Variants in PRUNE2 observed in about 807,000 individuals in gnomAD.
PRUNE2 encodes prune homolog 2 with BCH domain.
PRUNE2 carries 164 observed loss-of-function variants against 252.0 expected under a neutral mutation model. The observed-to-expected ratio is 0.65, with a 90% CI of 0.57 to 0.74. The LOEUF is 0.74. PRUNE2 is among the 30% of genes least tolerant of loss of function. The pLI is 0.00. For synonymous variants in PRUNE2, 1,292 were observed against 1,350.2 expected (o/e 0.96, Z 0.94); for missense variants, 3,495 against 3,711.0 (o/e 0.94, Z 1.51).
chr9:76,785,446 A>G (rs2054878175), intron 6 of PRUNE2: 1 of 152,218 alleles, frequency 6.6e-6, no homozygotes, highest in Admixed American at 6.5e-5. Flanking sequence ...AGGGAACCTC[A>G]TAGTATCTTA....
intron 9 of PRUNE2, among the ~76,000 whole-genome samples, chr9:76,658,167 T>C (rs1245612130): frequency 6.6e-6 from 1 of 152,236 alleles, no homozygotes; most frequent in Non-Finnish European, 1.5e-5. Context: ...AAGAACACCC[T>C]GACCAAGATG....
chr9:76,802,077 C>T (rs1053375410), intron 6 of PRUNE2, among the ~76,000 whole-genome samples: 2 of 152,044 alleles, frequency 1.3e-5, no homozygotes, highest in Non-Finnish European at 2.9e-5. Context: ...ACGTATTTTA[C>T]GTTCTCAACT....
chr9:76,668,368 C>G (rs936962912), intron 9 of PRUNE2, among the ~76,000 whole-genome samples: 11 of 152,196 alleles, frequency 7.2e-5, no homozygotes, highest in African/African-American at 2.7e-4. Context: ...AATCTTCCTT[C>G]CCTACATCAT....
At chr9:76,727,646 T>TTC (rs1491382977) in intron 6 of PRUNE2, among the ~76,000 whole-genome samples, 15 of 115,064 alleles carry the variant, frequency 1.3e-4, no homozygotes, top group East Asian at 2.5e-4. Context: ...CTTCTTCTTC[T>TTC]TTTTTTTTTT....
At chr9:76,760,409 C>T (rs982109078) in intron 6 of PRUNE2, among the ~76,000 whole-genome samples, 1 of 152,132 alleles carries the variant, frequency 6.6e-6, no homozygotes, top group African/African-American at 2.4e-5. Context: ...TATCACTGCT[C>T]CCCCATATCA....
chr9:76,696,399 T>C (rs1455193659), intron 9 of PRUNE2, among the ~76,000 whole-genome samples: 1 of 152,152 alleles, frequency 6.6e-6, no homozygotes, highest in Non-Finnish European at 1.5e-5. Flanking sequence ...TCCATTTTGC[T>C]TTCTGCCCCA....
intron 6 of PRUNE2, among the ~76,000 whole-genome samples, chr9:76,727,644 T>A (rs1281381925): frequency 1.4e-5 from 2 of 144,060 alleles, no homozygotes; most frequent in African/African-American, 5.5e-5. Flanking sequence ...TTCTTCTTCT[T>A]CTTTTTTTTT....
intron 4 of PRUNE2, among the ~76,000 whole-genome samples, chr9:76,835,661 T>G (rs1286913857): frequency 6.6e-6 from 1 of 152,110 alleles, no homozygotes; most frequent in African/African-American, 2.4e-5. Context: ...CCCTCCGTCT[T>G]CGTAAGCAAA....
At chr9:76,730,165 T>C (rs955889602) in intron 6 of PRUNE2, among the ~76,000 whole-genome samples, 3 of 152,342 alleles carry the variant, frequency 2.0e-5, no homozygotes, top group African/African-American at 2.4e-5. Flanking sequence ...AGCTAATCCA[T>C]ATGTACACAC....
In PRUNE2 at chr9:76,788,382, A is replaced by G. The variant is rs373008724; in HGVS notation, c.756+35250T>C. 4 of 756,166 alleles carry G rather than the reference A, an allele frequency of 5.3e-6. No individual in the cohort carries two copies. The South Asian group carries it at 5.7e-5, about 11-fold the overall frequency. The allele number at this position is 756,166 out of a possible 1,614,324, so 46.8% of individuals were successfully genotyped here. ...AGTTATTATATATACTGGACATTAA[A>G]CTCACAAACCACTACTTTCCTCTTT... On this transcript the variant is annotated intron_variant, in intron 6 of 18. Coordinates refer to ENST00000376718, the MANE Select transcript of PRUNE2 (RefSeq NM_015225.3).
intron 6 of PRUNE2, chr9:76,788,370 A>C: frequency 1.3e-6 from 1 of 750,030 alleles, no homozygotes; most frequent in East Asian, 2.5e-5. Context: ...TATTATATAT[A>C]CTGGACATTA....
intron 5 of PRUNE2, among the ~76,000 whole-genome samples, chr9:76,824,293 C>T (rs906771864): frequency 1.3e-5 from 2 of 152,056 alleles, no homozygotes; most frequent in Non-Finnish European, 2.9e-5. Flanking sequence ...AAAAGGGTGG[C>T]GGTGGACAAA....
chr9:76,766,535 C>T (rs183511289), intron 6 of PRUNE2, among the ~76,000 whole-genome samples: 1 of 152,326 alleles, frequency 6.6e-6, no homozygotes, highest in Admixed American at 6.5e-5. Context: ...CTTTCTTGGA[C>T]AACTGGATCA....
chr9:76,813,122 T>A (rs2057465816), intron 6 of PRUNE2, among the ~76,000 whole-genome samples: 1 of 152,192 alleles, frequency 6.6e-6, no homozygotes, highest in Non-Finnish European at 1.5e-5. Context: ...CTTGTTGGTA[T>A]TTTGAAATTG....
chr9:76,621,648 G>T (rs1045163810), intron 17 of PRUNE2, among the ~76,000 whole-genome samples: 1 of 152,084 alleles, frequency 6.6e-6, no homozygotes, highest in Non-Finnish European at 1.5e-5. Context: ...GAGACCAGCA[G>T]CATCAGCATC....
At position 76,846,541 on chromosome 9, in the gene PRUNE2, G is replaced by T. The variant is rs1457778572; in HGVS notation, c.482C>A (p.Thr161Asn). 12 of 1,613,926 alleles carry T rather than the reference G, an allele frequency of 7.4e-6. No homozygotes were observed. The highest frequency in any genetic ancestry group is 1.3e-5 in the African/African-American group (1 of 75,044). Residue 161 changes from threonine (T) to asparagine (N), a missense_variant, in exon 4 of 19, where the codon ACC (threonine) becomes AAC (asparagine). Coordinates refer to ENST00000376718, the MANE Select transcript of PRUNE2 (RefSeq NM_015225.3). ...TCTGAGGCGATGAGCCAGTTGCTCG[G>T]TGATGAGCTCAGGAGCCTCTTGGAG... Reference protein sequence around the residue: ...EILQEAPELITEQLAHRLRGS... With the variant: ...EILQEAPELINEQLAHRLRGS...
At chr9:76,630,263 T>G (rs904818546) in intron 15 of PRUNE2, among the ~76,000 whole-genome samples, 7 of 86,796 alleles carry the variant, frequency 8.1e-5, no homozygotes, top group Admixed American at 6.7e-4. Flanking sequence ...AAAATTTTTG[T>G]TTTTTTTTTT....
At chr9:76,617,436 T>C (rs1015127471) in intron 18 of PRUNE2, among the ~76,000 whole-genome samples, 8 of 151,598 alleles carry the variant, frequency 5.3e-5, no homozygotes. Context: ...TGGCCTACAG[T>C]GTAAAGGTGC....
At chr9:76,725,579 C>G (rs1479087223) in intron 6 of PRUNE2, among the ~76,000 whole-genome samples, 2 of 152,148 alleles carry the variant, frequency 1.3e-5, no homozygotes, top group African/African-American at 4.8e-5. Flanking sequence ...AAAAATCTAT[C>G]TATCAAGGCA....
Sources: gnomAD v4.1 joint callset for allele counts (sites outside exome capture counted in the v4.1 genomes callset) on GRCh38, gnomAD v4.1.1 for gene constraint, MANE v1.5 for transcripts, NCBI Gene and HGNC (gene_info 2026-07-23, HGNC 2026-07-21) for gene names.